DPYSL2: variants seen among roughly 807,000 people sequenced by gnomAD.
DPYSL2 encodes dihydropyrimidinase like 2.
Under a neutral mutation model 69.9 loss-of-function variants are expected in DPYSL2, and 13 were observed. The ratio of observed to expected loss-of-function variants is 0.19; its 90% confidence interval spans 0.12 to 0.30. The LOEUF is 0.30. Among genes scored for constraint, DPYSL2 ranks in the 10% least tolerant of loss-of-function variants. DPYSL2 has a pLI of 1.00. For synonymous variants in DPYSL2, 326 were observed against 359.1 expected, an observed-to-expected ratio of 0.91 and a Z score of 1.04; for missense variants, 587 against 918.9, an observed-to-expected ratio of 0.64 and a Z score of 4.67.
chr8:26,563,526 G>A (rs372536276), intron 1 of DPYSL2, among the ~76,000 whole-genome samples: 66 of 152,138 alleles, frequency 4.3e-4, no homozygotes, highest in Non-Finnish European at 1.3e-4. Context: ...GCTGCCTGAG[G>A]CTAAGTCCAG....
chr8:26,537,332 A>G (rs1471903243), intron 1 of DPYSL2, among the ~76,000 whole-genome samples: 1 of 152,128 alleles, frequency 6.6e-6, no homozygotes, highest in Non-Finnish European at 1.5e-5. Context: ...TGCAAAATCA[A>G]GACAAGTTCA....
In DPYSL2 at chr8:26,647,177, C is replaced by T. The variant is rs1003848173; in HGVS notation, c.1426-453C>T. On this transcript the variant is annotated intron_variant, in intron 10 of 13. Coordinates refer to ENST00000521913, the MANE Select transcript of DPYSL2 (RefSeq NM_001197293.3). This position sits in a 1 kb window ranked among gnomAD's most constrained non-coding sequence, Gnocchi z 5.1. The stretch of plus-strand genomic sequence containing the variant: ...TAGTACAGAGAGAGGTCCCGGGTAC[C>T]CTTCACCCAGTTTCCCTCATGGTTA... 6.6e-6 allele frequency among the ~76,000 whole-genome samples: 1 copy of T among 152,008 alleles called. No individual in the cohort carries two copies. Among genetic ancestry groups the T allele is most frequent in the Non-Finnish European group, 1.5e-5 (1 of 68,016 alleles).
chr8:26,631,051 C>G (rs2129929204), intron 7 of DPYSL2, among the ~76,000 whole-genome samples: 1 of 152,302 alleles, frequency 6.6e-6, no homozygotes, highest in South Asian at 2.1e-4. Context: ...AGTTTTAGAG[C>G]CTTCTGAGGG....
Position 26,626,514 on chromosome 8 carries a change from CACACA to C in DPYSL2, c.794-102_794-98del. 1 of 923,346 alleles carries C rather than the reference CACACA, an allele frequency of 1.1e-6. No individual in the cohort carries two copies. The highest frequency in any genetic ancestry group is 1.9e-5 in the Admixed American group (1 of 51,410). 57.2% of individuals were successfully genotyped at this position (923,346 alleles called of 1,614,324 possible). A position where few individuals can be genotyped will look rare whatever the true frequency, so the allele number is the denominator to read the frequency against. On this transcript the variant is annotated intron_variant, in intron 4 of 13. Transcript: ENST00000521913. This position sits in a 1 kb window ranked among gnomAD's most constrained non-coding sequence, Gnocchi z 4.3. ...ACACACACACACACACACACACACA[CACACA>C]CACGTACACACACAGACAGTATTAT... is the stretch of plus-strand genomic sequence containing the variant.
intron 1 of DPYSL2, among the ~76,000 whole-genome samples, chr8:26,520,475 T>TG (rs1808367318): frequency 3.8e-5 from 1 of 26,484 alleles, no homozygotes; most frequent in Non-Finnish European, 1.0e-4. Context: ...TGAATGCCTG[T>TG]TTTTTTTTTT....
chr8:26,592,935 A>G (rs915243360), intron 3 of DPYSL2, among the ~76,000 whole-genome samples: 2 of 152,014 alleles, frequency 1.3e-5, no homozygotes, highest in African/African-American at 4.8e-5. Flanking sequence ...TCTCTTCTTA[A>G]GAAGTGATTA....
chr8:26,520,090 GA>G (rs1808360451), intron 1 of DPYSL2, among the ~76,000 whole-genome samples: 1 of 152,158 alleles, frequency 6.6e-6, no homozygotes, highest in Non-Finnish European at 1.5e-5. Context: ...TTATTGCAGT[GA>G]ATAAGTCTCA....
rs375929775 is a variant in DPYSL2, at chr8:26,514,290, G to C, written c.-36G>C. 2.1e-6 allele frequency: 3 copies of C among 1,417,528 alleles called. No homozygotes were observed. The highest frequency in any genetic ancestry group is 2.7e-5 in the East Asian group (1 of 36,770). 87.8% of individuals were successfully genotyped at this position (1,417,528 alleles called of 1,614,324 possible). On this transcript the variant is annotated 5_prime_UTR_variant, in exon 1 of 14. Transcript: ENST00000521913. The surrounding 1 kb of genome is among the most constrained non-coding windows in gnomAD (Gnocchi z 8.4). The stretch of plus-strand genomic sequence containing the variant: ...AGACTTAGGGACTGGCAGACGGACG[G>C]ACGGACGGCGAGGACCCTACCCGAG...
At chr8:26,629,349 G>GACACAGACACTTAGACAC (rs780113903) in intron 7 of DPYSL2, among the ~76,000 whole-genome samples, 20,463 of 151,766 alleles carry the variant, frequency 0.13, 1,588 homozygotes, top group Non-Finnish European at 0.18. Flanking sequence ...GACACATACA[G>GACACAGACACTTAGACAC]ACACAGACAC....
intron 1 of DPYSL2, among the ~76,000 whole-genome samples, chr8:26,522,341 G>A (rs1808400917): frequency 6.7e-6 from 1 of 148,190 alleles, no homozygotes; most frequent in Non-Finnish European, 1.5e-5. Context: ...ACAAACAAAT[G>A]TTTTCAGTTT....
In DPYSL2 at chr8:26,617,357, T is replaced by A. The variant is rs1802378162; in HGVS notation, c.629-6786T>A. ...ATAATAATAATAAAATTAGACAGTG[T>A]GGTGGCGCACGCCTGTGGTCCTAGC... On this transcript the variant is annotated intron_variant, in intron 3 of 13. Transcript: ENST00000521913. This position sits in a 1 kb window ranked among gnomAD's most constrained non-coding sequence, Gnocchi z 4.7. 6.6e-6 allele frequency among the ~76,000 whole-genome samples: 1 copy of A among 152,126 alleles called. No homozygotes were observed.
intron 1 of DPYSL2, among the ~76,000 whole-genome samples, chr8:26,577,623 C>T (rs1251363000): frequency 6.7e-6 from 1 of 150,192 alleles, no homozygotes; most frequent in Non-Finnish European, 1.5e-5. Flanking sequence ...CCGGCCGCGA[C>T]GACCACCCCT....
rs188314741 is a variant in DPYSL2 at position 26,598,368 on chromosome 8, C to T, written c.628+14385C>T. On this transcript the variant is annotated intron_variant, in intron 3 of 13. Transcript: ENST00000521913. The surrounding 1 kb of genome is among the most constrained non-coding windows in gnomAD (Gnocchi z 4.2). ...TTTTTTTGTGGATGTTTTAGAGCTC[C>T]TCCTCTCCATCTCCTGAATTTCTTT... Among the ~76,000 whole-genome samples the T allele has an allele frequency of 9.9e-5, 15 of 152,272 alleles. No individual in the cohort carries two copies. Among genetic ancestry groups the T allele is most frequent in the African/African-American group, 3.6e-4 (15 of 41,548 alleles).
At chr8:26,612,481 C>T (rs112003797) in intron 3 of DPYSL2, among the ~76,000 whole-genome samples, 2,710 of 152,268 alleles carry the variant, frequency 0.018, 71 homozygotes, top group African/African-American at 0.061. Context: ...AGATTCTCCG[C>T]AAGAATGGCT....
In DPYSL2 at chr8:26,655,611, C is replaced by G. The variant is rs752842267; in HGVS notation, c.1943-4C>G. On this transcript the variant is annotated splice_region_variant and splice_polypyrimidine_tract_variant and intron_variant, in intron 13 of 13. Transcript: ENST00000521913. ...CCCGCTCCTCTCTTCTCCTCTCCCT[C>G]CAGGTGCTCAGATTGATGACAACAT... 2 of 1,605,606 alleles carry G rather than the reference C, an allele frequency of 1.2e-6. No individual in the cohort carries two copies. Among genetic ancestry groups the G allele is most frequent in the African/African-American group, 1.3e-5 (1 of 74,746 alleles).
chr8:26,606,512 A>G (rs1802110752), intron 3 of DPYSL2, among the ~76,000 whole-genome samples: 1 of 152,290 alleles, frequency 6.6e-6, no homozygotes, highest in Non-Finnish European at 1.5e-5. Context: ...TAAAGGGTTG[A>G]TGCATTTAAA....
chr8:26,648,953 G>A lies in DPYSL2; in HGVS notation c.1596+1153G>A, dbSNP rs1171665033. On this transcript the variant is annotated intron_variant, in intron 11 of 13. Transcript: ENST00000521913. The surrounding 1 kb of genome is among the most constrained non-coding windows in gnomAD (Gnocchi z 4.3). ...CCACTCACTGGCTCAGCCTGGCAGC[G>A]CAGCCTTATGATCGCGCCCCTTACA... 3.3e-5 allele frequency among the ~76,000 whole-genome samples: 5 copies of A among 152,310 alleles called. No homozygotes were observed. Among genetic ancestry groups the A allele is most frequent in the East Asian group, 1.9e-4 (1 of 5,186 alleles).
intron 1 of DPYSL2, among the ~76,000 whole-genome samples, chr8:26,544,560 G>A (rs765831866): frequency 2.0e-5 from 3 of 152,176 alleles, no homozygotes; most frequent in Non-Finnish European, 4.4e-5. Flanking sequence ...AGCTACACAT[G>A]TAACAACGGT....
intron 1 of DPYSL2, among the ~76,000 whole-genome samples, chr8:26,575,203 T>C (rs995281019): frequency 6.6e-6 from 1 of 152,244 alleles, no homozygotes; most frequent in African/African-American, 2.4e-5. Context: ...TTGCTGAGGC[T>C]GGTCTCCAAC....
Sources: allele counts gnomAD v4.1 joint callset (sites outside exome capture counted in the v4.1 genomes callset), GRCh38; gene constraint gnomAD v4.1.1; non-coding constraint Gnocchi (gnomAD v3.1); transcripts MANE v1.5; gene names NCBI Gene and HGNC (gene_info 2026-07-23, HGNC 2026-07-21).